The following SULT1A2 variants were observed in gnomAD, a reference collection of about 807,000 sequenced individuals.
The protein encoded by SULT1A2 is sulfotransferase 1A2.
SULT1A2 carries 33 observed loss-of-function variants against 36.0 expected under a neutral mutation model. The observed-to-expected ratio is 0.92, with a 90% CI of 0.69 to 1.22. The LOEUF is 1.22. SULT1A2 is among the 50% of genes most tolerant of loss of function. The pLI is 0.00. For synonymous variants in SULT1A2, 138 were observed against 144.5 expected (o/e 0.96, Z 0.32); for missense variants, 367 against 383.2 (o/e 0.96, Z 0.35).
chr16:28,592,158 G>T lies in SULT1A2; in HGVS notation c.776-18C>A. On this transcript the variant is annotated intron_variant, in intron 7 of 7. Coordinates refer to ENST00000335715, the MANE Select transcript of SULT1A2 (RefSeq NM_001054.4). ...AGCCATGCCTGGGGGAGGAAGGCAG[G>T]GAGCAAAGCTGGAGTCTCATCCCAG... is the stretch of plus-strand genomic sequence containing the variant. 1 of 1,612,516 alleles carries T rather than the reference G, an allele frequency of 6.2e-7. No homozygotes were observed. Among genetic ancestry groups the T allele is most frequent in the Non-Finnish European group, 8.5e-7 (1 of 1,179,808 alleles).
rs1033591115 is a variant in SULT1A2, at chr16:28,594,770, C to CTTTTTTTTTTTTTTT, written c.372+582_372+596dup. Among the ~76,000 whole-genome samples the CTTTTTTTTTTTTTTT allele has an allele frequency of 1.1e-4, 6 of 53,850 alleles. 1 individual carries two copies. Among genetic ancestry groups the CTTTTTTTTTTTTTTT allele is most frequent in the African/African-American group, 2.1e-4 (3 of 14,352 alleles). The allele number at this position is 53,850 out of a possible 152,430, so 35.3% of individuals were successfully genotyped here. ...AGGCCCAGCCCCCTGCCACCTGCCG[C>CTTTTTTTTTTTTTTT]TTTTTTTTTTTTTTTTTTTTTTTTT... On this transcript the variant is annotated intron_variant, in intron 4 of 7. Transcript: ENST00000335715.
chr16:28,595,397 G>A lies in SULT1A2; in HGVS notation c.342C>T (p.Leu114=), dbSNP rs201662454. ...CCTTCTGATCCAACAGAGTCTGGGG[G>A]AGCAGAGCCAGGGGCAGGTGTGTCT... ...LLKTHLPLAL[L]PQTLLDQKVK... is the part of the protein sequence containing the mutation. Residue 114 remains leucine (L), a synonymous_variant, in exon 4 of 8, where the codon CTC becomes CTT. Coordinates refer to ENST00000335715, the MANE Select transcript of SULT1A2 (RefSeq NM_001054.4). 55 of 1,614,094 alleles carry A rather than the reference G, an allele frequency of 3.4e-5. No individual in the cohort carries two copies. In the African/African-American group the frequency reaches 5.9e-4, roughly 17 times the overall value.
chr16:28,594,598 G>C (rs554652949), intron 4 of SULT1A2, among the ~76,000 whole-genome samples: 1 of 151,706 alleles, frequency 6.6e-6, no homozygotes, highest in East Asian at 1.9e-4. Context: ...GATTACTGGC[G>C]CCTGCCCCAA....
In SULT1A2 at chr16:28,593,570, T is replaced by G. The variant is rs776492925; in HGVS notation, c.373-2A>C. The G allele has an allele frequency of 5.0e-6, 8 of 1,613,948 alleles. No homozygotes were observed. The East Asian group carries it at 1.8e-4, about 36-fold the overall frequency. On this transcript the variant is annotated splice_acceptor_variant, in intron 4 of 7. Transcript: ENST00000335715. LOFTEE classifies it high-confidence loss of function. ...TGCGTTGCGGGCAACATAGACCACC[T>G]GCAGGGGCAGAAGACTCAACCCCAG...
In SULT1A2 at chr16:28,596,358, A is replaced by G. The variant is rs8053666; in HGVS notation, c.-4-424T>C. On this transcript the variant is annotated intron_variant, in intron 1 of 7. Transcript: ENST00000335715. The stretch of plus-strand genomic sequence containing the variant: ...CTGGGACCCCCAGCCTCCACCCAGT[A>G]GGCTCCTCTCCCCGATGTTCCCCTC... 1,603 of 1,128,118 alleles carry G rather than the reference A, an allele frequency of 1.4e-3. 7 individuals carry two copies. The African/African-American group carries it at 0.015, about 11-fold the overall frequency. The allele number at this position is 1,128,118 out of a possible 1,614,324, so 69.9% of individuals were successfully genotyped here. A position where few individuals can be genotyped will look rare whatever the true frequency, so the allele number is the denominator to read the frequency against.
chr16:28,592,038 G>T lies in SULT1A2; in HGVS notation c.878C>A (p.Ser293Tyr). The T allele has an allele frequency of 6.2e-7, 1 of 1,611,788 alleles. No homozygotes were observed. Among genetic ancestry groups the T allele is most frequent in the Non-Finnish European group, 8.5e-7 (1 of 1,179,798 alleles). Residue 293 changes from serine (S) to tyrosine (Y), a missense_variant, in exon 8 of 8, where the codon TCT becomes TAT. Coordinates refer to ENST00000335715, the MANE Select transcript of SULT1A2 (RefSeq NM_001054.4). ...KMAGCSLSFR[S>Y]EL ...CTCCAGGAACCCCTCTCACAGCTCAGAGCGGAAGCTGAGGCTGCAGCCTGC... is the reference window on the plus strand; with the variant it reads ...CTCCAGGAACCCCTCTCACAGCTCATAGCGGAAGCTGAGGCTGCAGCCTGC...
In SULT1A2 at chr16:28,593,519, T is replaced by G. The variant is rs1318998625; in HGVS notation, c.422A>C (p.His141Pro). Residue 141 changes from histidine (H) to proline (P), a missense_variant, in exon 5 of 8, where the codon CAC becomes CCC. Physicochemically the swap from His to Pro is moderately conservative, Grantham distance 77. Transcript: ENST00000335715. ...NAKDVAVSYY[H>P]FYHMAKVYPH... ...GTACACTTTGGCCATGTGGTAGAAG[T>G]GGTAGTAGGAAACCGCCACATCCTT... 1 of 1,614,088 alleles carries G rather than the reference T, an allele frequency of 6.2e-7. No individual in the cohort carries two copies. Among genetic ancestry groups the G allele is most frequent in the East Asian group, 2.2e-5 (1 of 44,880 alleles).
rs192783602 is a variant in SULT1A2 at position 28,593,356 on chromosome 16, C to T, written c.500-10G>A. 84 of 1,614,170 alleles carry T rather than the reference C, an allele frequency of 5.2e-5. No homozygotes were observed. In the East Asian group the frequency reaches 1.0e-3, roughly 19 times the overall value. ...CAGGACCCATAGGACACTGGAGAAG[C>T]GGGCAGGGAGTGCCGACACAGGGTT... On this transcript the variant is annotated splice_polypyrimidine_tract_variant and intron_variant, in intron 5 of 7. Transcript: ENST00000335715.
rs1162658562 is a variant in SULT1A2 at position 28,595,774 on chromosome 16, C to T, written c.148+9G>A. ...ACCTGGGAGAGGGTGGGTGGCCCTCCTCACCTACCGGACTTGGGGTAGGTG... is the reference window on the plus strand; with the variant it reads ...ACCTGGGAGAGGGTGGGTGGCCCTCTTCACCTACCGGACTTGGGGTAGGTG... On this transcript the variant is annotated intron_variant, in intron 2 of 7. Transcript: ENST00000335715. The T allele has an allele frequency of 1.4e-5, 22 of 1,612,656 alleles. No individual in the cohort carries two copies. The highest frequency in any genetic ancestry group is 2.2e-5 in the East Asian group (1 of 44,866).
rs771262307 is a variant in SULT1A2, at chr16:28,593,465, A to G, written c.476T>C (p.Leu159Pro). 6.2e-7 allele frequency: 1 copy of G among 1,614,128 alleles called. No homozygotes were observed. The highest frequency in any genetic ancestry group is 1.7e-5 in the Admixed American group (1 of 60,012). Reference protein sequence around the residue: ...YPHPGTWESFLEKFMAGEVSY... With the variant: ...YPHPGTWESFPEKFMAGEVSY... ...ACCTTCTCCAGCCATGAACTTCTCC[A>G]GGAAGCTTTCCCAGGTCCCAGGGTG... Residue 159 changes from leucine to proline, a missense_variant, in exon 5 of 8, where the codon CTG becomes CCG. By Grantham distance (98) the Leu-to-Pro change is moderately conservative. Transcript: ENST00000335715.
intron 1 of SULT1A2, 102 bp downstream of exon 1, chr16:28,596,895 T>G: frequency 5.0e-6 from 4 of 799,428 alleles, no homozygotes; most frequent in Non-Finnish European, 5.0e-6. Flanking sequence ...GGGATATCCA[T>G]GGGGAGAGGG....
intron 3 of SULT1A2, 35 bp downstream of exon 3, chr16:28,595,515 T>C (rs2047047954): frequency 6.2e-7 from 1 of 1,614,002 alleles, no homozygotes; most frequent in Non-Finnish European, 8.5e-7. Context: ...CAGCCCTGTC[T>C]TCCTCCACTC....
At chr16:28,596,160 A>C in intron 1 of SULT1A2, 1 of 1,357,830 alleles carries the variant, frequency 7.4e-7, no homozygotes, top group Non-Finnish European at 9.7e-7. Flanking sequence ...GAGCTGTTCA[A>C]AATCCCAGGG....
In SULT1A2 at chr16:28,592,041, C is replaced by A. The variant is rs375140568; in HGVS notation, c.875G>T (p.Arg292Leu). The A allele has an allele frequency of 6.2e-7, 1 of 1,611,790 alleles. No individual in the cohort carries two copies. The highest frequency in any genetic ancestry group is 1.1e-5 in the South Asian group (1 of 90,988). Residue 292 changes from arginine to leucine, a missense_variant, in exon 8 of 8, where the codon CGC (arginine) becomes CTC (leucine). Arg to Leu is a moderately radical substitution (Grantham distance 102). Coordinates refer to ENST00000335715, the MANE Select transcript of SULT1A2 (RefSeq NM_001054.4). Reference sequence around the variant, plus strand: ...CAGGAACCCCTCTCACAGCTCAGAGCGGAAGCTGAGGCTGCAGCCTGCCAT... The same window carrying A: ...CAGGAACCCCTCTCACAGCTCAGAGAGGAAGCTGAGGCTGCAGCCTGCCAT... The part of the protein sequence containing the change: ...KKMAGCSLSF[R>L]SEL
At chr16:28,594,770 C>CTTTTTTTTTTTT (rs1033591115) in intron 4 of SULT1A2, among the ~76,000 whole-genome samples, 19 of 53,850 alleles carry the variant, frequency 3.5e-4, no homozygotes, top group African/African-American at 1.2e-3. Flanking sequence ...CCACCTGCCG[C>CTTTTTTTTTTTT]TTTTTTTTTT....
At position 28,594,770 on chromosome 16, in the gene SULT1A2, C is replaced by CTTTTTTTTTTTTTTTTTTT. The variant is rs1033591115; in HGVS notation, c.372+578_372+596dup. On this transcript the variant is annotated intron_variant, in intron 4 of 7. Transcript: ENST00000335715. ...AGGCCCAGCCCCCTGCCACCTGCCG[C>CTTTTTTTTTTTTTTTTTTT]TTTTTTTTTTTTTTTTTTTTTTTTT... 3.7e-5 allele frequency among the ~76,000 whole-genome samples: 2 copies of CTTTTTTTTTTTTTTTTTTT among 53,850 alleles called. 1 individual carries two copies. The highest frequency in any genetic ancestry group is 7.0e-5 in the Non-Finnish European group (2 of 28,498). The allele number at this position is 53,850 out of a possible 152,430, so 35.3% of individuals were successfully genotyped here.
chr16:28,593,829 C>A (rs1219600628), intron 4 of SULT1A2, among the ~76,000 whole-genome samples: 1 of 152,180 alleles, frequency 6.6e-6, no homozygotes, highest in Middle Eastern at 3.2e-3. Flanking sequence ...GCATGCTCCA[C>A]CAGGCATGTT....
In SULT1A2 at chr16:28,593,403, C is replaced by T. The variant is rs758970644; in HGVS notation, c.499+39G>A. On this transcript the variant is annotated intron_variant, in intron 5 of 7. Transcript: ENST00000335715. ...GGTTGCTGTGCGTTGTAGCCACCAC[C>T]CCTTAGCTCCACACCTTCCTTCCTC... The T allele has an allele frequency of 4.3e-6, 7 of 1,614,060 alleles. No individual in the cohort carries two copies. In the Admixed American group the frequency reaches 1.2e-4, roughly 27 times the overall value.
chr16:28,596,464 T>A, intron 1 of SULT1A2: 1 of 764,676 alleles, frequency 1.3e-6, no homozygotes, highest in Non-Finnish European at 1.7e-6. Context: ...ACAGTCCATC[T>A]GGGCTCCAGG....
Sources: allele counts gnomAD v4.1 joint callset (sites outside exome capture counted in the v4.1 genomes callset), GRCh38; gene constraint gnomAD v4.1.1; transcripts MANE v1.5; gene names NCBI Gene and HGNC (gene_info 2026-07-23, HGNC 2026-07-21).